The following ARPP21 variants were observed in gnomAD, a reference collection of about 807,000 sequenced individuals.
ARPP21 encodes cAMP-regulated phosphoprotein 21.
In ARPP21, 69 loss-of-function variants were observed where a neutral mutation model predicts 113.2. The ratio of observed to expected loss-of-function variants is 0.61; its 90% CI spans 0.50 to 0.74. ARPP21 has a LOEUF of 0.74. Among genes scored for constraint, ARPP21 ranks in the 30% least tolerant of loss-of-function variants. The pLI, the probability that ARPP21 is intolerant of heterozygous loss-of-function variation, is 0.00. For missense variants in ARPP21, 1,070 were observed against 1,037.4 expected, an observed-to-expected ratio of 1.03 and a Z score of -0.43; for synonymous variants, 368 against 375.5, an observed-to-expected ratio of 0.98 and a Z score of 0.23.
chr3:35,709,012 C>A lies in ARPP21; in HGVS notation c.839C>A (p.Ser280Ter). 1.2e-6 allele frequency: 2 copies of A among 1,613,734 alleles called. No homozygotes were observed. Among genetic ancestry groups the A allele is most frequent in the Non-Finnish European group, 8.5e-7 (1 of 1,179,804 alleles). ...HPFRDDRRSK[S>*]IEEREEEYQR... ...TTTAGAGATGACAGACGAAGTAAATCAATTGAAGAGAGAGAAGAGGAATAT... is the reference window on the plus strand; with the variant it reads ...TTTAGAGATGACAGACGAAGTAAATAAATTGAAGAGAGAGAAGAGGAATAT... The change falls in exon 11 of 21, where the codon TCA becomes TAA. Residue 280 changes from serine (S) to a stop codon, truncating the protein, a stop_gained. Coordinates refer to ENST00000684406, the MANE Select transcript of ARPP21 (RefSeq NM_001385562.1). LOFTEE classifies it high-confidence loss of function.
chr3:35,741,020 T>A (rs907723094), intron 18 of ARPP21, among the ~76,000 whole-genome samples: 17 of 152,222 alleles, frequency 1.1e-4, no homozygotes, highest in South Asian at 6.2e-4. Context: ...GAGAATCGCT[T>A]GAGCCTGGGA....
chr3:35,693,375 T>C (rs2082826215), intron 9 of ARPP21, among the ~76,000 whole-genome samples: 1 of 151,698 alleles, frequency 6.6e-6, no homozygotes, highest in Non-Finnish European at 1.5e-5. Context: ...CTTCTGACCA[T>C]CCTCTATTTG....
chr3:35,650,570 GCGTACAC>G (rs1362362777), intron 1 of ARPP21: 2 of 152,026 alleles, frequency 1.3e-5, no homozygotes, highest in Non-Finnish European at 2.9e-5. Flanking sequence ...AATCCCTAGA[GCGTACAC>G]TTTGAGGGTA....
intron 19 of ARPP21, among the ~76,000 whole-genome samples, chr3:35,748,118 A>AAAG (rs1481741110): frequency 1.4e-3 from 195 of 136,390 alleles, no homozygotes; most frequent in Admixed American, 7.7e-3. Context: ...AAGAAGAAAG[A>AAAG]AAGAAAGAAA....
chr3:35,713,039 A>C (rs2091638690), intron 11 of ARPP21, among the ~76,000 whole-genome samples: 1 of 152,150 alleles, frequency 6.6e-6, no homozygotes, highest in South Asian at 2.1e-4. Context: ...GGGGATGGGT[A>C]ATAAGGGCAT....
At chr3:35,670,416 C>T (rs1341692113) in intron 1 of ARPP21, among the ~76,000 whole-genome samples, 1 of 152,082 alleles carries the variant, frequency 6.6e-6, no homozygotes, top group Non-Finnish European at 1.5e-5. Flanking sequence ...GTCAGTCTTA[C>T]AGCAGGCAGG....
intron 19 of ARPP21, among the ~76,000 whole-genome samples, chr3:35,756,895 A>C (rs948904097): frequency 1.3e-5 from 2 of 152,180 alleles, no homozygotes; most frequent in Non-Finnish European, 2.9e-5. Flanking sequence ...AGGAATATGC[A>C]GTAAAATCTG....
At chr3:35,639,140 G>C (rs1697417111), upstream of ARPP21, 1 of 152,624 alleles carries the variant, frequency 6.6e-6, no homozygotes, top group Non-Finnish European at 1.5e-5. The surrounding 1 kb of genome is among the most constrained non-coding windows in gnomAD (Gnocchi z 5.0). Flanking sequence ...TTTTCTTTCT[G>C]ATTAATGATG....
rs1369647928 is a variant in ARPP21, at chr3:35,744,100, A to G, written c.2137+135A>G. 1.6e-5 allele frequency: 15 copies of G among 916,576 alleles called. No individual in the cohort carries two copies. In the East Asian group the frequency reaches 3.2e-4, roughly 20 times the overall value. 56.8% of individuals were successfully genotyped at this position (916,576 alleles called of 1,614,324 possible). ...CTCTACCCAGAGAAGATAACAAAGC[A>G]TTTGATTGACTCTGTGTGGAAAAGT... On this transcript the variant is annotated intron_variant, in intron 19 of 20. Coordinates refer to ENST00000684406, the MANE Select transcript of ARPP21 (RefSeq NM_001385562.1).
chr3:35,784,339 G>T (rs1163042080), intron 19 of ARPP21, among the ~76,000 whole-genome samples: 2 of 152,198 alleles, frequency 1.3e-5, no homozygotes, highest in African/African-American at 2.4e-5. Context: ...CCAGCTAGTT[G>T]TTAAGCCCTT....
At chr3:35,670,492 C>T (rs554589455) in intron 1 of ARPP21, among the ~76,000 whole-genome samples, 12 of 152,168 alleles carry the variant, frequency 7.9e-5, no homozygotes, top group Admixed American at 2.6e-4. Flanking sequence ...CTCCTGTGAT[C>T]GTAATTCTCA....
At chr3:35,647,311 A>C (rs1483464536) in intron 1 of ARPP21, among the ~76,000 whole-genome samples, 1 of 152,202 alleles carries the variant, frequency 6.6e-6, no homozygotes, top group Non-Finnish European at 1.5e-5. Context: ...AAATTATTTT[A>C]TTTCAGAAAT....
chr3:35,695,888 T>TATGTA (rs2083806722), intron 9 of ARPP21, among the ~76,000 whole-genome samples: 1 of 151,598 alleles, frequency 6.6e-6, no homozygotes, highest in African/African-American at 2.4e-5. Flanking sequence ...CTGAAGAGAA[T>TATGTA]ATGTACCAAA....
chr3:35,715,413 T>C, intron 11 of ARPP21, 26 bp from the exon 12 acceptor site: 1 of 1,609,776 alleles, frequency 6.2e-7, no homozygotes, highest in Non-Finnish European at 8.5e-7. Flanking sequence ...GAACTTCTGA[T>C]CCAATGCCTT....
At chr3:35,659,780 G>C (rs943074823) in intron 1 of ARPP21, among the ~76,000 whole-genome samples, 1 of 152,166 alleles carries the variant, frequency 6.6e-6, no homozygotes, top group East Asian at 1.9e-4. Flanking sequence ...TTCTCAAAAG[G>C]AGAAAACCTT....
At chr3:35,696,820 T>C (rs2084228546) in intron 9 of ARPP21, among the ~76,000 whole-genome samples, 2 of 151,642 alleles carry the variant, frequency 1.3e-5, no homozygotes, top group South Asian at 4.1e-4. Context: ...ATGCCACAAA[T>C]ATGTGTGTCT....
intron 1 of ARPP21, among the ~76,000 whole-genome samples, chr3:35,672,657 C>G (rs949271715): frequency 1.3e-5 from 2 of 151,968 alleles, no homozygotes; most frequent in Non-Finnish European, 2.9e-5. Flanking sequence ...GCAAAAATCC[C>G]CATGATTGTG....
At position 35,690,720 on chromosome 3, in the gene ARPP21, A is replaced by G. The variant is rs1444467109; in HGVS notation, c.546-145A>G. The G allele has an allele frequency of 1.3e-5, 9 of 700,008 alleles. No homozygotes were observed. In the East Asian group the frequency reaches 2.7e-4, roughly 21 times the overall value. The allele number at this position is 700,008 out of a possible 1,614,324, so 43.4% of individuals were successfully genotyped here. A position where few individuals can be genotyped will look rare whatever the true frequency, so the allele number is the denominator to read the frequency against. ...ATAATAAGTAGAAAATTTTTCTAGA[A>G]ATTAGGACATTAAGTGATGCCAGAA... is the stretch of plus-strand genomic sequence containing the variant. On this transcript the variant is annotated intron_variant, in intron 8 of 20. Transcript: ENST00000684406.
chr3:35,715,757 C>T (rs1226900727), intron 12 of ARPP21: 1 of 233,082 alleles, frequency 4.3e-6, no homozygotes, highest in African/African-American at 2.3e-5. Flanking sequence ...TTCCTATTAC[C>T]TTCACCAGGC....
Sources: allele counts gnomAD v4.1 joint callset (sites outside exome capture counted in the v4.1 genomes callset), GRCh38; gene constraint gnomAD v4.1.1; non-coding constraint Gnocchi (gnomAD v3.1); transcripts MANE v1.5; gene names NCBI Gene and HGNC (gene_info 2026-07-23, HGNC 2026-07-21).